Variants in PWP1 observed in about 807,000 individuals in gnomAD.
PWP1 encodes the protein PWP1 homolog, endonuclein, also known as periodic tryptophan protein 1 homolog.
Under a neutral mutation model 69.9 loss-of-function variants are expected in PWP1, and 47 were observed. The observed-to-expected ratio is 0.67, with a 90% CI of 0.53 to 0.86. The LOEUF (loss-of-function observed/expected upper bound fraction) is 0.86. PWP1 is among the 40% of genes least tolerant of loss of function. The pLI is 0.00. For missense variants in PWP1, 551 were observed against 608.8 expected (o/e 0.91, Z 1.00); for synonymous variants, 222 against 208.2 (o/e 1.07, Z -0.57).
At chr12:107,706,632 C>T (rs1445271028) in intron 11 of PWP1, among the ~76,000 whole-genome samples, 1 of 152,146 alleles carries the variant, frequency 6.6e-6, no homozygotes, top group East Asian at 1.9e-4. Flanking sequence ...AGCCAGTTTT[C>T]CCAGCACCAT....
At chr12:107,704,815 G>T (rs1381332722) in intron 11 of PWP1, 68 bp downstream of exon 11, 30 of 1,265,758 alleles carry the variant, frequency 2.4e-5, no homozygotes, top group East Asian at 9.4e-5. Context: ...CCATAGTAGA[G>T]AGAATTATCT....
At chr12:107,689,751 G>GA (rs1302150837) in intron 3 of PWP1, among the ~76,000 whole-genome samples, 1 of 151,830 alleles carries the variant, frequency 6.6e-6, no homozygotes, top group Non-Finnish European at 1.5e-5. Flanking sequence ...ATCTCAAAAA[G>GA]AAAAAATCAT....
At chr12:107,688,903 A>T in intron 3 of PWP1, 101 bp downstream of exon 3, 1 of 1,229,102 alleles carries the variant, frequency 8.1e-7, no homozygotes, top group Non-Finnish European at 1.1e-6. Flanking sequence ...ATTGTTCTTG[A>T]CATCAGTAAG....
intron 5 of PWP1, among the ~76,000 whole-genome samples, chr12:107,694,636 ACTTTG>A (rs1889547293): frequency 6.6e-6 from 1 of 152,204 alleles, no homozygotes; most frequent in African/African-American, 2.4e-5. Context: ...CCATTTGTTT[ACTTTG>A]CTTTTAAGAC....
chr12:107,687,468 G>A (rs1343764736), intron 1 of PWP1, among the ~76,000 whole-genome samples: 1 of 152,248 alleles, frequency 6.6e-6, no homozygotes, highest in African/African-American at 2.4e-5. Flanking sequence ...TAATTAGCCT[G>A]TAGTGTAGCC....
intron 11 of PWP1, among the ~76,000 whole-genome samples, chr12:107,705,401 A>G (rs1229330595): frequency 6.6e-6 from 1 of 151,096 alleles, no homozygotes; most frequent in Non-Finnish European, 1.5e-5. Flanking sequence ...TTTAAGTTCT[A>G]GGATACATGT....
chr12:107,703,690 A>G lies in PWP1; in HGVS notation c.909A>G (p.Gln303=). The part of the protein sequence containing the change: ...ASLAVHTDKV[Q]TLQFHPFEAQ... ...TTTATGTTTCCTCCCTTTAGGTCCA[A>G]ACACTGCAGTTTCATCCATTTGAAG... is the stretch of plus-strand genomic sequence containing the variant. Residue 303 remains glutamine (Q), a synonymous_variant, in exon 10 of 15, where the codon CAA becomes CAG. Transcript: ENST00000412830. 1 of 1,605,588 alleles carries G rather than the reference A, an allele frequency of 6.2e-7. No individual in the cohort carries two copies. Among genetic ancestry groups the G allele is most frequent in the Non-Finnish European group, 8.5e-7 (1 of 1,172,304 alleles).
intron 14 of PWP1, among the ~76,000 whole-genome samples, 192 bp downstream of exon 14, chr12:107,710,702 T>A (rs2136290894): frequency 6.6e-6 from 1 of 152,264 alleles, no homozygotes; most frequent in Non-Finnish European, 1.5e-5. Context: ...TCTTTCTGAA[T>A]GAGTTCTGTA....
Position 107,685,799 on chromosome 12 carries a change from A to C in PWP1, c.-101A>C. The C allele has an allele frequency of 3.1e-6, 4 of 1,298,410 alleles. No individual in the cohort carries two copies. The highest frequency in any genetic ancestry group is 4.4e-6 in the Non-Finnish European group (4 of 911,048). The allele number at this position is 1,298,410 out of a possible 1,614,324, so 80.4% of individuals were successfully genotyped here. ...GCCTGCGCATGCGCTCTGCCCTGGC[A>C]GCGGCCCTGTGCAGATCCCTGAGCG... On this transcript the variant is annotated 5_prime_UTR_variant, in exon 1 of 15. Coordinates refer to ENST00000412830, the MANE Select transcript of PWP1 (RefSeq NM_007062.3).
At chr12:107,702,127 C>A (rs1032670685) in intron 8 of PWP1, among the ~76,000 whole-genome samples, 1 of 152,100 alleles carries the variant, frequency 6.6e-6, no homozygotes, top group African/African-American at 2.4e-5. Flanking sequence ...GTTGTGATTG[C>A]TGTAGATTTT....
rs764684698 is a variant in PWP1, at chr12:107,685,897, A to G, written c.-3A>G. ...AGCGTGACACGCCCTTGACTTGAGGACCATGAACCGCAGCCGCCAGGTGAC... is the reference window on the plus strand; with the variant it reads ...AGCGTGACACGCCCTTGACTTGAGGGCCATGAACCGCAGCCGCCAGGTGAC... On this transcript the variant is annotated 5_prime_UTR_variant, in exon 1 of 15. Transcript: ENST00000412830. The G allele has an allele frequency of 6.2e-7, 1 of 1,613,608 alleles. No homozygotes were observed. Among genetic ancestry groups the G allele is most frequent in the African/African-American group, 1.3e-5 (1 of 74,926 alleles).
At chr12:107,709,983 C>A (rs1192016156) in intron 13 of PWP1, among the ~76,000 whole-genome samples, 1 of 151,854 alleles carries the variant, frequency 6.6e-6, no homozygotes, top group Non-Finnish European at 1.5e-5. Flanking sequence ...TTTTCTATAA[C>A]AAATATATAT....
At chr12:107,701,886 C>T (rs778982929) in intron 8 of PWP1, among the ~76,000 whole-genome samples, 2 of 152,144 alleles carry the variant, frequency 1.3e-5, no homozygotes, top group African/African-American at 4.8e-5. Flanking sequence ...CCATGTAGGC[C>T]AGGCTTGTCT....
chr12:107,692,316 T>C (rs530246074), intron 3 of PWP1, among the ~76,000 whole-genome samples: 4 of 152,382 alleles, frequency 2.6e-5, no homozygotes, highest in African/African-American at 9.6e-5. Context: ...TTTTTTCATA[T>C]GCCAATAAGG....
intron 4 of PWP1, 40 bp downstream of exon 4, chr12:107,692,939 G>A (rs746694995): frequency 1.2e-6 from 2 of 1,612,854 alleles, no homozygotes; most frequent in South Asian, 1.1e-5. Flanking sequence ...GCTCTTAAGT[G>A]TTCAAAAAAC....
intron 8 of PWP1, among the ~76,000 whole-genome samples, chr12:107,699,651 G>C (rs1889664830): frequency 6.6e-6 from 1 of 152,090 alleles, no homozygotes; most frequent in South Asian, 2.1e-4. Context: ...TTGCATGTTT[G>C]GTGACCAAGT....
intron 8 of PWP1, among the ~76,000 whole-genome samples, chr12:107,702,192 G>A (rs1161713007): frequency 6.6e-6 from 1 of 151,960 alleles, no homozygotes; most frequent in African/African-American, 2.4e-5. Flanking sequence ...CTTTTTTTCA[G>A]TACTATTTTG....
chr12:107,703,193 T>C (rs949696738), intron 9 of PWP1, among the ~76,000 whole-genome samples, 162 bp downstream of exon 9: 1 of 152,156 alleles, frequency 6.6e-6, no homozygotes, highest in African/African-American at 2.4e-5. Flanking sequence ...CCCTGTGTGG[T>C]AGGTATAATG....
chr12:107,705,505 T>C (rs148638337), intron 11 of PWP1, among the ~76,000 whole-genome samples: 4,978 of 148,352 alleles, frequency 0.034, 114 homozygotes, highest in South Asian at 0.083. Flanking sequence ...TATCTCCTAA[T>C]GCTATCCCTC....
Sources: allele counts gnomAD v4.1 joint callset (sites outside exome capture counted in the v4.1 genomes callset), GRCh38; gene constraint gnomAD v4.1.1; transcripts MANE v1.5; gene names NCBI Gene and HGNC (gene_info 2026-07-23, HGNC 2026-07-21).